RAB34: variants seen among roughly 807,000 people sequenced by gnomAD.
RAB34 encodes the protein ras-related protein Rab-34.
In RAB34, 33 loss-of-function variants were observed where a neutral mutation model predicts 39.0. The ratio of observed to expected loss-of-function variants is 0.85; its 90% confidence interval spans 0.64 to 1.13. The LOEUF (loss-of-function observed/expected upper bound fraction) is 1.13, where lower values mean the gene tolerates loss of function less well. RAB34 is among the 50% of genes most tolerant of loss of function. RAB34 has a pLI of 0.00. For missense variants in RAB34, 289 were observed against 326.1 expected, an observed-to-expected ratio of 0.89 and a Z score of 0.88; for synonymous variants, 135 against 125.1, an observed-to-expected ratio of 1.08 and a Z score of -0.53.
At position 28,715,828 on chromosome 17, in the gene RAB34, C is replaced by A; in HGVS notation, c.286G>T (p.Val96Leu). Reference sequence around the variant, plus strand: ...TGCAAACTGAAGGGAATGCCCAGCACCTCAAATCGTTCCATCTCGAAGTCC... The same window carrying A: ...TGCAAACTGAAGGGAATGCCCAGCAACTCAAATCGTTCCATCTCGAAGTCC... ...GVDFEMERFE[V>L]LGIPFSLQLW... The change falls in exon 4 of 10, where the codon GTG (valine) becomes TTG (leucine). Residue 96 changes from valine to leucine, a missense_variant. Transcript: ENST00000395245. The A allele has an allele frequency of 6.8e-6, 11 of 1,613,982 alleles. No individual in the cohort carries two copies. The highest frequency in any genetic ancestry group is 9.3e-6 in the Non-Finnish European group (11 of 1,179,962).
Position 28,717,733 on chromosome 17 carries a change from G to A in RAB34, c.-467C>T, listed in dbSNP as rs1597784896. On this transcript the variant is annotated 5_prime_UTR_variant, in exon 1 of 10. Transcript: ENST00000395245. ...TTACAGAGCGGCCCGGGGGCGCGGA[G>A]CGGCCCCGCCACACGGGGTCAGTGT... 1 of 1,329,594 alleles carries A rather than the reference G, an allele frequency of 7.5e-7. No homozygotes were observed. The highest frequency in any genetic ancestry group is 3.1e-5 in the East Asian group (1 of 32,684). 82.4% of individuals were successfully genotyped at this position (1,329,594 alleles called of 1,614,324 possible).
At position 28,714,345 on chromosome 17, in the gene RAB34, C is replaced by A; in HGVS notation, c.*298G>T. ...GTGAGAGGCTGGAATCATTAAGCAT[C>A]CTCAAACACAAAGGGCCCAGCAGGC... On this transcript the variant is annotated 3_prime_UTR_variant, in exon 10 of 10. Coordinates refer to ENST00000395245, the MANE Select transcript of RAB34 (RefSeq NM_031934.6). 5.0e-6 allele frequency: 3 copies of A among 596,236 alleles called. No individual in the cohort carries two copies. The South Asian group carries it at 6.0e-5, about 12-fold the overall frequency. The allele number at this position is 596,236 out of a possible 1,614,324, so 36.9% of individuals were successfully genotyped here.
At chr17:28,718,339 G>C, upstream of RAB34, 2 of 1,330,588 alleles carry the variant, frequency 1.5e-6, no homozygotes, top group Non-Finnish European at 2.0e-6. Flanking sequence ...AGCGTGCGAA[G>C]GGGGTGCCAG....
In RAB34 at chr17:28,716,950, G is replaced by A. The variant is rs914201967; in HGVS notation, c.99C>T (p.His33=). The A allele has an allele frequency of 6.2e-7, 1 of 1,613,674 alleles. No homozygotes were observed. The highest frequency in any genetic ancestry group is 8.5e-7 in the Non-Finnish European group (1 of 1,179,930). Residue 33 remains histidine, a synonymous_variant, in exon 2 of 10, where the codon CAC becomes CAT. Coordinates refer to ENST00000395245, the MANE Select transcript of RAB34 (RefSeq NM_031934.6). The part of the protein sequence containing the change: ...EAALHGHKDF[H]PRVTCACQEH... ...CCTGGCAGGCGCAGGTGACGCGGGG[G>A]TGGAAGTCTTTGTGCCCGTGCAAAG... is the stretch of plus-strand genomic sequence containing the variant.
chr17:28,715,483 T>C lies in RAB34; in HGVS notation c.404A>G (p.Asn135Ser). 3.7e-6 allele frequency: 6 copies of C among 1,614,062 alleles called. No individual in the cohort carries two copies. The highest frequency in any genetic ancestry group is 4.2e-6 in the Non-Finnish European group (5 of 1,180,022). The change falls in exon 6 of 10, where the codon AAT becomes AGT. Residue 135 changes from asparagine (N) to serine (S), a missense_variant. By Grantham distance (46) the Asn-to-Ser change is conservative. Transcript: ENST00000395245. ...AQAIIIVFNL[N>S]DVASLEHTKQ... is the part of the protein sequence containing the mutation. Reference sequence around the variant, plus strand: ...GGTATGTTCCAGAGATGCCACATCATTCAGGTTGAAGACAATGATGATGGC... The same window carrying C: ...GGTATGTTCCAGAGATGCCACATCACTCAGGTTGAAGACAATGATGATGGC...
In RAB34 at chr17:28,715,935, A is replaced by C. The variant is rs746297275; in HGVS notation, c.213-34T>G. The C allele has an allele frequency of 9.9e-6, 16 of 1,613,194 alleles. No homozygotes were observed. In the African/African-American group the frequency reaches 2.0e-4, roughly 20 times the overall value. On this transcript the variant is annotated intron_variant, in intron 3 of 9. Transcript: ENST00000395245. ...GTACCAGATGCTGTGATCTGGAGCC[A>C]GCCCACCTGGCTAGGCTTGGCCCCA...
Position 28,715,094 on chromosome 17 carries a change from T to C in RAB34, c.542A>G (p.Lys181Arg). The C allele has an allele frequency of 1.9e-6, 3 of 1,614,112 alleles. No individual in the cohort carries two copies. The highest frequency in any genetic ancestry group is 2.5e-6 in the Non-Finnish European group (3 of 1,180,036). ...STPAQYALME[K>R]DALQVAQEMK... ...CTCCTGGGCCACCTGGAGGGCGTCTTTCTCCATCAGCGCATACTGAGCAGG... is the reference window on the plus strand; with the variant it reads ...CTCCTGGGCCACCTGGAGGGCGTCTCTCTCCATCAGCGCATACTGAGCAGG... Residue 181 changes from lysine (K) to arginine (R), a missense_variant, in exon 8 of 10, where the codon AAA (lysine) becomes AGA (arginine). Lys to Arg is a conservative substitution (Grantham distance 26). Coordinates refer to ENST00000395245, the MANE Select transcript of RAB34 (RefSeq NM_031934.6).
In RAB34 at chr17:28,715,482, A is replaced by G; in HGVS notation, c.405T>C (p.Asn135=). The G allele has an allele frequency of 6.2e-7, 1 of 1,614,072 alleles. No individual in the cohort carries two copies. The highest frequency in any genetic ancestry group is 8.5e-7 in the Non-Finnish European group (1 of 1,180,030). ...AQAIIIVFNL[N]DVASLEHTKQ... is the part of the protein sequence containing the mutation. ...TGGTATGTTCCAGAGATGCCACATC[A>G]TTCAGGTTGAAGACAATGATGATGG... Residue 135 remains asparagine (N), a synonymous_variant, in exon 6 of 10, where the codon AAT becomes AAC. Transcript: ENST00000395245.
rs1385263915 is a variant in RAB34, at chr17:28,717,317, G to A, written c.-51C>T. On this transcript the variant is annotated 5_prime_UTR_variant, in exon 1 of 10. Transcript: ENST00000395245. Reference sequence around the variant, plus strand: ...CTGAGAAGGCGCCGAGGCCGGATCCGCGTCAGCGACCCGGGCGCGTGGAGA... The same window carrying A: ...CTGAGAAGGCGCCGAGGCCGGATCCACGTCAGCGACCCGGGCGCGTGGAGA... The A allele has an allele frequency of 1.9e-6, 3 of 1,550,648 alleles. No homozygotes were observed. The highest frequency in any genetic ancestry group is 2.6e-6 in the Non-Finnish European group (3 of 1,152,410).
At position 28,717,748 on chromosome 17, in the gene RAB34, G is replaced by C. The variant is rs1274631871; in HGVS notation, c.-482C>G. ...GGGGCGCGGAGCGGCCCCGCCACACGGGGTCAGTGTGGGCAGGGGCGGCGC... is the reference window on the plus strand; with the variant it reads ...GGGGCGCGGAGCGGCCCCGCCACACCGGGTCAGTGTGGGCAGGGGCGGCGC... On this transcript the variant is annotated 5_prime_UTR_variant, in exon 1 of 10. Coordinates refer to ENST00000395245, the MANE Select transcript of RAB34 (RefSeq NM_031934.6). 1 of 1,328,676 alleles carries C rather than the reference G, an allele frequency of 7.5e-7. No homozygotes were observed. The highest frequency in any genetic ancestry group is 9.6e-7 in the Non-Finnish European group (1 of 1,044,716). The allele number at this position is 1,328,676 out of a possible 1,614,324, so 82.3% of individuals were successfully genotyped here. A position where few individuals can be genotyped will look rare whatever the true frequency, so the allele number is the denominator to read the frequency against.
In RAB34 at chr17:28,717,538, GGCC is replaced by G. The variant is rs940178739; in HGVS notation, c.-275_-273del. 4 of 1,420,016 alleles carry G rather than the reference GGCC, an allele frequency of 2.8e-6. No homozygotes were observed. Among genetic ancestry groups the G allele is most frequent in the African/African-American group, 3.0e-5 (2 of 67,516 alleles). The allele number at this position is 1,420,016 out of a possible 1,614,324, so 88.0% of individuals were successfully genotyped here. A position where few individuals can be genotyped will look rare whatever the true frequency, so the allele number is the denominator to read the frequency against. On this transcript the variant is annotated 5_prime_UTR_variant, in exon 1 of 10. Coordinates refer to ENST00000395245, the MANE Select transcript of RAB34 (RefSeq NM_031934.6). ...TGACTCTGGGGCGAGGAGACTCTTCGGCCGCCAATTGGGGGCGGGGAGTCCCGT... is the reference window on the plus strand; with the variant it reads ...TGACTCTGGGGCGAGGAGACTCTTCGGCCAATTGGGGGCGGGGAGTCCCGT...
rs2033072079 is a variant in RAB34, at chr17:28,714,902, T to A, written c.605-2A>T. On this transcript the variant is annotated splice_acceptor_variant, in intron 8 of 9. Transcript: ENST00000395245. LOFTEE classifies it high-confidence loss of function. ...AGAAGAATTCTCGGACATTCTCACCTGACACAGAGAGCAGATAGGTGCTCA... is the reference window on the plus strand; with the variant it reads ...AGAAGAATTCTCGGACATTCTCACCAGACACAGAGAGCAGATAGGTGCTCA... 6.2e-7 allele frequency: 1 copy of A among 1,613,662 alleles called. No homozygotes were observed. Among genetic ancestry groups the A allele is most frequent in the African/African-American group, 1.3e-5 (1 of 75,040 alleles).
Position 28,715,798 on chromosome 17 carries a change from A to C in RAB34, c.314+2T>G. ...AGCTGGAAGGGGTGTGGAAGCACTC[A>C]CAGCTGCAAACTGAAGGGAATGCCC... On this transcript the variant is annotated splice_donor_variant, in intron 4 of 9. Coordinates refer to ENST00000395245, the MANE Select transcript of RAB34 (RefSeq NM_031934.6). LOFTEE classifies it high-confidence loss of function. 6.2e-7 allele frequency: 1 copy of C among 1,613,494 alleles called. No individual in the cohort carries two copies. The highest frequency in any genetic ancestry group is 8.5e-7 in the Non-Finnish European group (1 of 1,179,468).
chr17:28,717,192 CG>C lies in RAB34; in HGVS notation c.54+20del, dbSNP rs1277428253. ...ACACCCCGGGCTGTAGACTGAAGCC[CG>C]ACGTGGCCCCGGCGCCTACCTGGGG... On this transcript the variant is annotated intron_variant, in intron 1 of 9. Transcript: ENST00000395245. The C allele has an allele frequency of 1.9e-6, 3 of 1,590,292 alleles. No individual in the cohort carries two copies. The highest frequency in any genetic ancestry group is 2.6e-6 in the Non-Finnish European group (3 of 1,172,418).
rs375697350 is a variant in RAB34 at position 28,717,006 on chromosome 17, G to A, written c.55-12C>T. On this transcript the variant is annotated splice_polypyrimidine_tract_variant and intron_variant, in intron 1 of 9. Coordinates refer to ENST00000395245, the MANE Select transcript of RAB34 (RefSeq NM_031934.6). ...TCCTTCCTCAGGCACTTAGTGGGAA[G>A]GATGGAAGAGAATGGAGCTTCCTAC... 6.2e-7 allele frequency: 1 copy of A among 1,612,848 alleles called. No individual in the cohort carries two copies. Among genetic ancestry groups the A allele is most frequent in the African/African-American group, 1.3e-5 (1 of 75,032 alleles).
chr17:28,715,408 A>G, intron 6 of RAB34, 48 bp downstream of exon 6: 1 of 1,610,602 alleles, frequency 6.2e-7, no homozygotes, highest in Middle Eastern at 1.7e-4. Context: ...TCTGTTCTGA[A>G]CCCTCTCTTC....
chr17:28,718,210 G>T, upstream of RAB34: 1 of 1,602,188 alleles, frequency 6.2e-7, no homozygotes, highest in Admixed American at 1.7e-5. Flanking sequence ...GGGGAGAGAA[G>T]GGGCCCAAGG....
rs183750490 is a variant in RAB34, at chr17:28,714,612, C to A, written c.*31G>T. ...ATGAGGGTGGCACAGTGCCCTAGGGCTGGGCAGTCTCTGAACAGTCTCCTC... is the reference window on the plus strand; with the variant it reads ...ATGAGGGTGGCACAGTGCCCTAGGGATGGGCAGTCTCTGAACAGTCTCCTC... On this transcript the variant is annotated 3_prime_UTR_variant, in exon 10 of 10. Transcript: ENST00000395245. 3 of 1,614,026 alleles carry A rather than the reference C, an allele frequency of 1.9e-6. No homozygotes were observed. The highest frequency in any genetic ancestry group is 2.5e-6 in the Non-Finnish European group (3 of 1,180,008).
chr17:28,717,700 C>T lies in RAB34; in HGVS notation c.-434G>A. On this transcript the variant is annotated 5_prime_UTR_variant, in exon 1 of 10. Transcript: ENST00000395245. ...CGACGTCATCTCGGGGCTGAGGCTG[C>T]CCTACCATTACAGAGCGGCCCGGGG... 7.4e-7 allele frequency: 1 copy of T among 1,358,882 alleles called. No individual in the cohort carries two copies. The highest frequency in any genetic ancestry group is 9.4e-7 in the Non-Finnish European group (1 of 1,061,174). The allele number at this position is 1,358,882 out of a possible 1,614,324, so 84.2% of individuals were successfully genotyped here.
Sources: gnomAD v4.1 joint callset for allele counts on GRCh38, gnomAD v4.1.1 for gene constraint, MANE v1.5 for transcripts, NCBI Gene and HGNC (gene_info 2026-07-23, HGNC 2026-07-21) for gene names.